CRYZL1: variants seen among roughly 807,000 people sequenced by gnomAD.
CRYZL1 encodes ferry endosomal RAB5 effector complex subunit 4.
A neutral mutation model predicts 50.6 loss-of-function variants in CRYZL1; 34 were observed. The ratio of observed to expected loss-of-function variants is 0.67; its 90% CI spans 0.51 to 0.89. The LOEUF (loss-of-function observed/expected upper bound fraction) is 0.89. Ranked by LOEUF, CRYZL1 falls within the 40% of genes least tolerant of loss-of-function variation. CRYZL1 has a pLI of 0.00. For missense variants in CRYZL1, 354 were observed against 402.3 expected, an observed-to-expected ratio of 0.88 and a Z score of 1.03; for synonymous variants, 125 against 134.3, an observed-to-expected ratio of 0.93 and a Z score of 0.48.
At chr21:33,622,317 C>T (rs1373133697) in intron 3 of CRYZL1, among the ~76,000 whole-genome samples, 1 of 152,218 alleles carries the variant, frequency 6.6e-6, no homozygotes, top group African/African-American at 2.4e-5. Context: ...TTACCATTAA[C>T]ATCCTTTGTT....
At chr21:33,625,691 C>T (rs565637167) in intron 2 of CRYZL1, among the ~76,000 whole-genome samples, 42 of 151,550 alleles carry the variant, frequency 2.8e-4, no homozygotes, top group African/African-American at 9.9e-4. Flanking sequence ...GCTATGTTGC[C>T]CAGGCTGGTC....
At chr21:33,614,202 T>C (rs1239338569) in intron 5 of CRYZL1, among the ~76,000 whole-genome samples, 2 of 147,002 alleles carry the variant, frequency 1.4e-5, no homozygotes, top group Non-Finnish European at 3.0e-5. Context: ...TTGTCCCTGA[T>C]GGGTTGGGCA....
intron 2 of CRYZL1, among the ~76,000 whole-genome samples, chr21:33,625,542 G>A (rs2087051769): frequency 6.6e-6 from 1 of 152,210 alleles, no homozygotes; most frequent in South Asian, 2.1e-4. Context: ...GGAATGCAGT[G>A]GCGCAATCAC....
chr21:33,613,673 T>C (rs1466575678), intron 5 of CRYZL1, 67 bp from the exon 6 acceptor site: 1 of 1,105,332 alleles, frequency 9.0e-7, no homozygotes, highest in African/African-American at 1.6e-5. Flanking sequence ...GAGGCCAGTA[T>C]TATTACAAAT....
At chr21:33,616,495 T>G (rs1487731103) in intron 5 of CRYZL1, 2 of 717,440 alleles carry the variant, frequency 2.8e-6, no homozygotes, top group Non-Finnish European at 4.3e-6. Context: ...TTTCTCCATG[T>G]TGGTCAGGCT....
At chr21:33,605,622 A>G (rs369682688) in intron 6 of CRYZL1, among the ~76,000 whole-genome samples, 3 of 143,736 alleles carry the variant, frequency 2.1e-5, no homozygotes, top group African/African-American at 7.8e-5. Context: ...CCTGGGTTCA[A>G]GCAATTCTCC....
intron 1 of CRYZL1, among the ~76,000 whole-genome samples, chr21:33,637,204 T>C (rs1025522953): frequency 6.6e-6 from 1 of 152,028 alleles, no homozygotes; most frequent in Admixed American, 6.6e-5. Flanking sequence ...CCAGCATTTT[T>C]GGAGGCCGAG....
chr21:33,592,959 G>A (rs1381108972), intron 11 of CRYZL1, among the ~76,000 whole-genome samples: 3 of 151,818 alleles, frequency 2.0e-5, no homozygotes, highest in Admixed American at 2.0e-4. Flanking sequence ...GGCTGAGACA[G>A]GAGAATTGCT....
At chr21:33,637,770 T>C (rs1445176060) in intron 1 of CRYZL1, among the ~76,000 whole-genome samples, 1 of 145,454 alleles carries the variant, frequency 6.9e-6, no homozygotes, top group African/African-American at 2.6e-5. Context: ...CATATATATA[T>C]ATATATATAT....
intron 6 of CRYZL1, among the ~76,000 whole-genome samples, chr21:33,609,039 A>G (rs914131271): frequency 2.6e-5 from 4 of 152,198 alleles, no homozygotes; most frequent in African/African-American, 9.7e-5. Context: ...GGTAACAGCT[A>G]TTCTGACAGG....
At chr21:33,616,551 C>A in intron 5 of CRYZL1, 155 bp downstream of exon 5, 1 of 1,489,764 alleles carries the variant, frequency 6.7e-7, no homozygotes, top group South Asian at 1.2e-5. Context: ...CTTGGCCTCC[C>A]AACGTGCTGG....
In CRYZL1 at chr21:33,591,214, G is replaced by C; in HGVS notation, c.905-7C>G. 6.2e-7 allele frequency: 1 copy of C among 1,607,836 alleles called. No individual in the cohort carries two copies. Among genetic ancestry groups the C allele is most frequent in the South Asian group, 1.1e-5 (1 of 90,920 alleles). On this transcript the variant is annotated splice_polypyrimidine_tract_variant and splice_region_variant and intron_variant, in intron 11 of 12. Transcript: ENST00000381554. ...ATCACATCCTTTAAGATACGTAGCT[G>C]GAAGGATTGTTAAGGTGGCAATGTA...
At chr21:33,632,259 G>A (rs955901449) in intron 1 of CRYZL1, among the ~76,000 whole-genome samples, 9 of 151,858 alleles carry the variant, frequency 5.9e-5, no homozygotes, top group Non-Finnish European at 1.2e-4. Context: ...TTAAACCTGG[G>A]AAGCATAGGT....
Position 33,601,916 on chromosome 21 carries a change from C to CAA in CRYZL1, c.577+316_577+317dup, listed in dbSNP as rs540305920. 3.9e-3 allele frequency among the ~76,000 whole-genome samples: 236 copies of CAA among 60,018 alleles called. 1 individual carries two copies. The highest frequency in any genetic ancestry group is 0.014 in the African/African-American group (227 of 16,444). 39.4% of individuals were successfully genotyped at this position (60,018 alleles called of 152,430 possible). On this transcript the variant is annotated intron_variant, in intron 8 of 12. Transcript: ENST00000381554. ...TGGGTGACACAGTGAGACCCTGTTTCAAAAAAAAAAAAAAAAGCAAATTGG... is the reference window on the plus strand; with the variant it reads ...TGGGTGACACAGTGAGACCCTGTTTCAAAAAAAAAAAAAAAAAAGCAAATTGG...
chr21:33,595,533 G>T, intron 11 of CRYZL1, 198 bp downstream of exon 11: 1 of 1,268,376 alleles, frequency 7.9e-7, no homozygotes, highest in South Asian at 1.3e-5. Flanking sequence ...CTTCACCTGT[G>T]AAATGGGGAT....
chr21:33,627,769 G>A (rs570286435), intron 2 of CRYZL1, among the ~76,000 whole-genome samples: 1 of 115,124 alleles, frequency 8.7e-6, no homozygotes, highest in East Asian at 2.6e-4. Context: ...TTTTGAGACC[G>A]AGTCTTGCTC....
chr21:33,593,687 A>G (rs2086664785), intron 11 of CRYZL1, among the ~76,000 whole-genome samples: 1 of 152,146 alleles, frequency 6.6e-6, no homozygotes, highest in Non-Finnish European at 1.5e-5. Context: ...GTAAGATTCA[A>G]AACTAATAGC....
In CRYZL1 at chr21:33,603,978, C is replaced by T. The variant is rs563447366; in HGVS notation, c.332-441G>A. 2.6e-3 allele frequency among the ~76,000 whole-genome samples: 396 copies of T among 152,276 alleles called. 2 individuals carry two copies. Among genetic ancestry groups the T allele is most frequent in the African/African-American group, 8.9e-3 (370 of 41,570 alleles). ...TAAACAATACAATTTCCTGGCCTGG[C>T]GTGGTGGCTCACGCCTGTAATCCCA... On this transcript the variant is annotated intron_variant, in intron 6 of 12. Coordinates refer to ENST00000381554, the MANE Select transcript of CRYZL1 (RefSeq NM_145858.3).
intron 3 of CRYZL1, among the ~76,000 whole-genome samples, chr21:33,623,690 A>G (rs2087027728): frequency 6.6e-6 from 1 of 152,180 alleles, no homozygotes; most frequent in South Asian, 2.1e-4. Flanking sequence ...TTAGGTTCCT[A>G]AAAATTATAG....
Sources: allele counts gnomAD v4.1 joint callset (sites outside exome capture counted in the v4.1 genomes callset), GRCh38; gene constraint gnomAD v4.1.1; transcripts MANE v1.5; gene names NCBI Gene and HGNC (gene_info 2026-07-23, HGNC 2026-07-21).